Variants in LRRC7 observed in about 807,000 individuals in gnomAD.
LRRC7 encodes leucine rich repeat containing 7.
LRRC7 carries 23 observed loss-of-function variants against 175.7 expected under a neutral mutation model. The observed-to-expected ratio is 0.13, with a 90% CI of 0.09 to 0.19. The LOEUF is 0.19. LRRC7 is among the 10% of genes least tolerant of loss of function. The probability of loss-of-function intolerance (pLI) is 1.00; values close to 1 mark genes in which losing one functional copy is unlikely to be tolerated. For synonymous variants in LRRC7, 685 were observed against 680.9 expected (o/e 1.01, Z -0.09); for missense variants, 1,354 against 1,904.7 (o/e 0.71, Z 5.38).
chr1:70,002,891 C>T (rs1655661836), intron 11 of LRRC7, among the ~76,000 whole-genome samples: 1 of 152,066 alleles, frequency 6.6e-6, no homozygotes, highest in Admixed American at 6.6e-5. Flanking sequence ...GGTGATATAA[C>T]ATGAATGAAA....
chr1:69,577,210 A>T (rs1255677500), intron 1 of LRRC7, among the ~76,000 whole-genome samples: 1 of 152,208 alleles, frequency 6.6e-6, no homozygotes, highest in Non-Finnish European at 1.5e-5. Flanking sequence ...TTTAAGTTCC[A>T]TATAAAAATC....
chr1:70,066,488 T>TGTAA (rs1485541717), intron 23 of LRRC7, among the ~76,000 whole-genome samples: 1 of 152,048 alleles, frequency 6.6e-6, no homozygotes, highest in African/African-American at 2.4e-5. Flanking sequence ...TCTGTATGTA[T>TGTAA]GTAACCTTTT....
rs748764866 is a variant in LRRC7, at chr1:70,038,362, G to A, written c.2538G>A (p.Arg846=). 6.2e-7 allele frequency: 1 copy of A among 1,614,114 alleles called. No individual in the cohort carries two copies. Among genetic ancestry groups the A allele is most frequent in the Non-Finnish European group, 8.5e-7 (1 of 1,180,016 alleles). ...GAAGCACATCTTCGCATGGACGCAG[G>A]CCTTTGATCAGGCAAGACAGGATTG... ...KSRSTSSHGR[R]PLIRQDRIVG... The change falls in exon 21 of 27, where the codon AGG becomes AGA. Residue 846 remains arginine, a synonymous_variant. Transcript: ENST00000651989.
intron 3 of LRRC7, among the ~76,000 whole-genome samples, chr1:69,790,830 A>C (rs1675020103): frequency 6.6e-6 from 1 of 151,998 alleles, no homozygotes; most frequent in Admixed American, 6.6e-5. Context: ...GATATTGACA[A>C]TTAATTCTAC....
intron 7 of LRRC7, among the ~76,000 whole-genome samples, chr1:69,857,273 G>A (rs1683767586): frequency 1.3e-5 from 2 of 152,118 alleles, no homozygotes; most frequent in African/African-American, 2.4e-5. Flanking sequence ...GGGCAATCAG[G>A]CAGGAGAAAG....
chr1:69,717,634 C>T (rs1368916947), intron 2 of LRRC7, among the ~76,000 whole-genome samples: 1 of 151,136 alleles, frequency 6.6e-6, no homozygotes, highest in Non-Finnish European at 1.5e-5. Flanking sequence ...TTCAGTTGGG[C>T]CAACTTCATA....
chr1:69,945,960 C>G (rs1013915409), intron 8 of LRRC7, among the ~76,000 whole-genome samples: 1 of 152,162 alleles, frequency 6.6e-6, no homozygotes, highest in African/African-American at 2.4e-5. Flanking sequence ...TATTTGCATG[C>G]CTATTTCTTT....
intron 1 of LRRC7, among the ~76,000 whole-genome samples, chr1:69,581,672 G>C (rs1270418468): frequency 6.6e-6 from 1 of 152,096 alleles, no homozygotes; most frequent in African/African-American, 2.4e-5. Context: ...TACTTCTATA[G>C]GGAAAAGTAA....
At chr1:69,709,715 C>T (rs747614052) in intron 2 of LRRC7, among the ~76,000 whole-genome samples, 6 of 152,144 alleles carry the variant, frequency 3.9e-5, no homozygotes, top group Non-Finnish European at 5.9e-5. Flanking sequence ...ATAGGAAAGA[C>T]GGACTCTCTG....
intron 2 of LRRC7, among the ~76,000 whole-genome samples, chr1:69,722,591 A>G (rs1453796306): frequency 2.0e-5 from 3 of 152,046 alleles, no homozygotes; most frequent in Non-Finnish European, 4.4e-5. Flanking sequence ...AGGATTATAT[A>G]TTTAATATCG....
rs563161248 is a variant in LRRC7 at position 69,766,213 on chromosome 1, C to T, written c.303+5820C>T. On this transcript the variant is annotated intron_variant, in intron 3 of 26. Coordinates refer to ENST00000651989, the MANE Select transcript of LRRC7 (RefSeq NM_001370785.2). ...GAGGCAAAATTGGGAAATTTTATTA[C>T]GCTCATGAAGCCAAAAAATCTCTCC... 6.6e-5 allele frequency among the ~76,000 whole-genome samples: 10 copies of T among 152,156 alleles called. No individual in the cohort carries two copies. The East Asian group carries it at 1.2e-3, about 18-fold the overall frequency.
rs1660861455 is a variant in LRRC7, at chr1:70,053,012, C to T, written c.4111-14C>T. 1 of 1,586,460 alleles carries T rather than the reference C, an allele frequency of 6.3e-7. No individual in the cohort carries two copies. Among genetic ancestry groups the T allele is most frequent in the South Asian group, 1.2e-5 (1 of 84,982 alleles). On this transcript the variant is annotated splice_polypyrimidine_tract_variant and intron_variant, in intron 22 of 26. Coordinates refer to ENST00000651989, the MANE Select transcript of LRRC7 (RefSeq NM_001370785.2). ...ACTACATCACTAAAGAATGCCATAC[C>T]ATTTTTGCAATAGACCCCGTCCCAG...
intron 3 of LRRC7, among the ~76,000 whole-genome samples, chr1:69,770,068 C>T (rs1438815476): frequency 6.6e-6 from 1 of 152,136 alleles, no homozygotes; most frequent in Non-Finnish European, 1.5e-5. Context: ...CTGGGCCACA[C>T]AATGCTGATT....
chr1:69,855,500 A>T (rs567835846), intron 7 of LRRC7, among the ~76,000 whole-genome samples: 229 of 152,242 alleles, frequency 1.5e-3, no homozygotes, highest in Non-Finnish European at 2.8e-3. Context: ...ACAGTTTGTT[A>T]TAATTTCTGT....
At chr1:69,979,335 C>T (rs1018438488) in intron 8 of LRRC7, among the ~76,000 whole-genome samples, 2 of 152,230 alleles carry the variant, frequency 1.3e-5, no homozygotes, top group Middle Eastern at 3.4e-3. Context: ...ATTAGGCTAC[C>T]GCTAGGAAGG....
intron 24 of LRRC7, among the ~76,000 whole-genome samples, chr1:70,085,453 A>G (rs1409332168): frequency 6.6e-6 from 1 of 152,104 alleles, no homozygotes; most frequent in Non-Finnish European, 1.5e-5. Flanking sequence ...GTTAGGATTT[A>G]TTTTTGGAGT....
chr1:69,888,998 A>G (rs78095189), intron 7 of LRRC7, among the ~76,000 whole-genome samples: 3,844 of 152,354 alleles, frequency 0.025, 60 homozygotes, highest in East Asian at 0.067. Context: ...TCCACTGCAT[A>G]TAAACATTAT....
intron 4 of LRRC7, among the ~76,000 whole-genome samples, chr1:69,817,314 A>G (rs1006092149): frequency 6.6e-6 from 1 of 151,804 alleles, no homozygotes; most frequent in Non-Finnish European, 1.5e-5. Flanking sequence ...ATTTTTGTGT[A>G]TTATCTAAGA....
rs997645674 is a variant in LRRC7 at position 70,125,557 on chromosome 1, C to T, written c.*3670C>T. 6.6e-6 allele frequency among the ~76,000 whole-genome samples: 1 copy of T among 152,078 alleles called. No homozygotes were observed. The highest frequency in any genetic ancestry group is 2.4e-5 in the African/African-American group (1 of 41,416). On this transcript the variant is annotated 3_prime_UTR_variant, in exon 27 of 27. Transcript: ENST00000651989. ...CCTGTAATCCCAGCACTTTGGGAGG[C>T]CGAGGCGGGCGGATCACGAGGTCAG...
Sources: gnomAD v4.1 joint callset for allele counts (sites outside exome capture counted in the v4.1 genomes callset) on GRCh38, gnomAD v4.1.1 for gene constraint, MANE v1.5 for transcripts, NCBI Gene and HGNC (gene_info 2026-07-23, HGNC 2026-07-21) for gene names.